BRD10: variants seen among roughly 807,000 people sequenced by gnomAD.
The protein encoded by BRD10 is bromodomain containing 10.
the BRD10 span, among the ~76,000 whole-genome samples, chr9:5,969,838 G>A: frequency 2.6e-5 from 4 of 152,224 alleles, no homozygotes; most frequent in African/African-American, 9.6e-5. Flanking sequence ...GAGCTACTGT[G>A]CCCAGCCTGC....
At chr9:5,988,779 C>A in the BRD10 span, among the ~76,000 whole-genome samples, 440 of 151,738 alleles carry the variant, frequency 2.9e-3, 3 homozygotes, top group African/African-American at 0.01. Context: ...GAGACTGAAG[C>A]ATTTAAAATA....
At chr9:5,920,329 C>T in the BRD10 span, 1 of 1,613,942 alleles carries the variant, frequency 6.2e-7, no homozygotes, top group Non-Finnish European at 8.5e-7. Context: ...TAATCATAAT[C>T]TGAGTACCAG....
At chr9:5,993,321 A>T in the BRD10 span, among the ~76,000 whole-genome samples, 1 of 30,130 alleles carries the variant, frequency 3.3e-5, no homozygotes. Flanking sequence ...TTAAAAAAAA[A>T]AAAAAAAAAA....
chr9:5,924,751 C>G, the BRD10 span: 1 of 1,606,894 alleles, frequency 6.2e-7, no homozygotes, highest in Admixed American at 1.7e-5. Context: ...TTTCCAAGAT[C>G]TCCTTCACCT....
the BRD10 span, among the ~76,000 whole-genome samples, chr9:5,902,622 A>G: frequency 1.3e-5 from 2 of 151,586 alleles, no homozygotes; most frequent in Non-Finnish European, 2.9e-5. Context: ...GCTAGCTACC[A>G]TAGTAGCTAG....
chr9:5,935,827 A>G, the BRD10 span, among the ~76,000 whole-genome samples: 1 of 152,224 alleles, frequency 6.6e-6, no homozygotes. Context: ...GCCCACTTTA[A>G]GTGTTCCACT....
the BRD10 span, among the ~76,000 whole-genome samples, chr9:5,894,532 G>C: frequency 6.6e-6 from 1 of 152,130 alleles, no homozygotes; most frequent in Non-Finnish European, 1.5e-5. This position sits in a 1 kb window ranked among gnomAD's most constrained non-coding sequence, Gnocchi z 4.0. Flanking sequence ...ATTTTTGTTT[G>C]GCTGGTTCTG....
chr9:5,990,235 T>C, the BRD10 span, among the ~76,000 whole-genome samples: 1 of 152,224 alleles, frequency 6.6e-6, no homozygotes, highest in African/African-American at 2.4e-5. Flanking sequence ...CAACAGATAC[T>C]GAATGGGTGT....
At chr9:5,974,521 T>C in the BRD10 span, among the ~76,000 whole-genome samples, 96 of 152,300 alleles carry the variant, frequency 6.3e-4, no homozygotes, top group Middle Eastern at 6.8e-3. Context: ...TTTCAGTTTA[T>C]TGCCTTGAAA....
the BRD10 span, among the ~76,000 whole-genome samples, chr9:5,903,103 G>T: frequency 1.4e-5 from 2 of 143,792 alleles, no homozygotes; most frequent in Non-Finnish European, 3.2e-5. Context: ...GTAGAAGTGT[G>T]TTGTTTAATC....
At chr9:5,926,209 C>T in the BRD10 span, among the ~76,000 whole-genome samples, 2 of 152,150 alleles carry the variant, frequency 1.3e-5, no homozygotes, top group Non-Finnish European at 2.9e-5. Context: ...AATCACTGCG[C>T]CTGGCCATGT....
At chr9:5,881,921 G>C in the BRD10 span, among the ~76,000 whole-genome samples, 1 of 152,320 alleles carries the variant, frequency 6.6e-6, no homozygotes, top group Non-Finnish European at 1.5e-5. Context: ...GATACAGAAA[G>C]ACGTAATCCC....
At chr9:5,967,776 C>T in the BRD10 span, among the ~76,000 whole-genome samples, 1 of 147,940 alleles carries the variant, frequency 6.8e-6, no homozygotes, top group South Asian at 2.2e-4. Flanking sequence ...AATGTCCAAA[C>T]ATGTTCAACT....
the BRD10 span, among the ~76,000 whole-genome samples, chr9:6,005,398 G>A: frequency 6.6e-6 from 1 of 152,104 alleles, no homozygotes; most frequent in African/African-American, 2.4e-5. Context: ...CCAGCTACTC[G>A]GGACGCTGAG....
At chr9:5,956,226 C>A in the BRD10 span, among the ~76,000 whole-genome samples, 1 of 152,088 alleles carries the variant, frequency 6.6e-6, no homozygotes, top group African/African-American at 2.4e-5. Flanking sequence ...AGGCACTAAA[C>A]ACAGGTACTA....
At chr9:6,001,930 G>A in the BRD10 span, among the ~76,000 whole-genome samples, 1 of 151,920 alleles carries the variant, frequency 6.6e-6, no homozygotes, top group African/African-American at 2.4e-5. Context: ...ATTTGTAGGG[G>A]GAAAAAACTA....
At chr9:5,989,931 A>G in the BRD10 span, among the ~76,000 whole-genome samples, 34 of 152,324 alleles carry the variant, frequency 2.2e-4, no homozygotes, top group Middle Eastern at 3.4e-3. Flanking sequence ...ACTTTGTAAC[A>G]ACCTTACCCT....
At chr9:5,961,869 T>G in the BRD10 span, among the ~76,000 whole-genome samples, 1 of 152,342 alleles carries the variant, frequency 6.6e-6, no homozygotes, top group South Asian at 2.1e-4. Flanking sequence ...ATTGTCTTTG[T>G]GCCTTCTACT....
the BRD10 span, chr9:5,892,657 T>C: frequency 3.5e-6 from 3 of 865,760 alleles, no homozygotes; most frequent in African/African-American, 3.5e-5. Context: ...CTAGTGTTTA[T>C]CTCCCCAGAC....
Sources: allele counts gnomAD v4.1 joint callset (sites outside exome capture counted in the v4.1 genomes callset), GRCh38; gene constraint gnomAD v4.1.1; non-coding constraint Gnocchi (gnomAD v3.1); transcripts MANE v1.5; gene names NCBI Gene and HGNC (gene_info 2026-07-23, HGNC 2026-07-21).